NRG1: variants seen among roughly 807,000 people sequenced by gnomAD.
The protein encoded by NRG1 is neuregulin 1, also known as pro-neuregulin-1, membrane-bound isoform.
In NRG1, 18 loss-of-function variants were observed where a neutral mutation model predicts 63.8. The ratio of observed to expected loss-of-function variants is 0.28; its 90% confidence interval spans 0.19 to 0.42. The LOEUF is 0.42. Ranked by LOEUF, NRG1 falls within the 10% of genes least tolerant of loss-of-function variation. The pLI is 1.00. For missense variants in NRG1, 762 were observed against 814.7 expected, an observed-to-expected ratio of 0.94 and a Z score of 0.79; for synonymous variants, 302 against 301.3, an observed-to-expected ratio of 1.00 and a Z score of -0.02.
chr8:32,540,581 C>T (rs1048741328), intron 1 of NRG1, among the ~76,000 whole-genome samples: 1 of 152,132 alleles, frequency 6.6e-6, no homozygotes, highest in African/African-American at 2.4e-5. Context: ...TTTTTTGTGC[C>T]TGGATATAAC....
intron 1 of NRG1, among the ~76,000 whole-genome samples, chr8:32,358,940 G>A (rs1806841398): frequency 6.6e-6 from 1 of 152,068 alleles, no homozygotes; most frequent in African/African-American, 2.4e-5. Context: ...AGAAATCATG[G>A]GGCAGAGGGC....
chr8:32,009,423 G>C (rs948133560), intron 1 of NRG1, among the ~76,000 whole-genome samples: 2 of 152,024 alleles, frequency 1.3e-5, no homozygotes, highest in Admixed American at 6.6e-5. Context: ...TTAGGTGCTA[G>C]GGGCCCAGCA....
chr8:31,731,435 C>CACAG (rs915714938), intron 1 of NRG1, among the ~76,000 whole-genome samples: 1 of 151,792 alleles, frequency 6.6e-6, no homozygotes, highest in Non-Finnish European at 1.5e-5. Flanking sequence ...CACACACACA[C>CACAG]ACACACACAC....
At chr8:31,963,817 T>A (rs1275908970) in intron 1 of NRG1, among the ~76,000 whole-genome samples, 3 of 152,308 alleles carry the variant, frequency 2.0e-5, no homozygotes, top group African/African-American at 7.2e-5. Context: ...CAGGGGTTAC[T>A]GGTTGAGAGA....
At chr8:32,287,135 A>G (rs906567487) in intron 1 of NRG1, 2 of 152,262 alleles carry the variant, frequency 1.3e-5, no homozygotes, top group African/African-American at 4.8e-5. Context: ...GAACTAAGAC[A>G]ACAAGTCTCT....
chr8:32,742,743 C>T lies in NRG1; in HGVS notation c.691+10C>T, dbSNP rs1313134472. The T allele has an allele frequency of 6.2e-7, 1 of 1,613,780 alleles. No homozygotes were observed. Among genetic ancestry groups the T allele is most frequent in the Admixed American group, 1.7e-5 (1 of 60,008 alleles). On this transcript the variant is annotated intron_variant, in intron 7 of 11. Transcript: ENST00000356819. This position sits in a 1 kb window ranked among gnomAD's most constrained non-coding sequence, Gnocchi z 4.2. Reference sequence around the variant, plus strand: ...ATGGCCAGCTTCTACAGTACGTCCACTCCCTTTCTGTCTCTGCCTGAATAG... The same window carrying T: ...ATGGCCAGCTTCTACAGTACGTCCATTCCCTTTCTGTCTCTGCCTGAATAG...
intron 1 of NRG1, among the ~76,000 whole-genome samples, chr8:32,068,259 T>C (rs1318205337): frequency 6.6e-6 from 1 of 152,160 alleles, no homozygotes; most frequent in African/African-American, 2.4e-5. Context: ...TGTAAGAACA[T>C]GAGATATTTT....
intron 1 of NRG1, among the ~76,000 whole-genome samples, chr8:32,562,582 G>A (rs752933829): frequency 6.6e-6 from 1 of 152,106 alleles, no homozygotes; most frequent in Non-Finnish European, 1.5e-5. Context: ...CCTCTGGGTT[G>A]TAACCAGGAA....
chr8:32,179,580 G>A (rs1841208978), intron 1 of NRG1, among the ~76,000 whole-genome samples: 1 of 152,146 alleles, frequency 6.6e-6, no homozygotes, highest in South Asian at 2.1e-4. Context: ...TTCAATTCCT[G>A]CATACTATTT....
At chr8:32,018,065 A>G (rs752573715) in intron 1 of NRG1, among the ~76,000 whole-genome samples, 3 of 152,176 alleles carry the variant, frequency 2.0e-5, no homozygotes, top group Non-Finnish European at 4.4e-5. Flanking sequence ...ATCATTTTGG[A>G]AACCCTAAGA....
intron 1 of NRG1, among the ~76,000 whole-genome samples, chr8:31,973,625 A>AT (rs1234954222): frequency 6.6e-6 from 1 of 152,186 alleles, no homozygotes; most frequent in Non-Finnish European, 1.5e-5. Flanking sequence ...TCTTTTAATC[A>AT]TACTATTCAG....
At chr8:31,998,152 T>C (rs1812324404) in intron 1 of NRG1, among the ~76,000 whole-genome samples, 1 of 151,936 alleles carries the variant, frequency 6.6e-6, no homozygotes, top group African/African-American at 2.4e-5. Context: ...TGGCTCCCCA[T>C]TGGGTAACAC....
At chr8:32,216,218 G>T (rs768751659) in intron 1 of NRG1, among the ~76,000 whole-genome samples, 6 of 149,684 alleles carry the variant, frequency 4.0e-5, no homozygotes, top group Non-Finnish European at 8.9e-5. Context: ...ATATATAATT[G>T]GTTCTGTTTT....
chr8:31,916,050 T>C (rs933030862), intron 1 of NRG1, among the ~76,000 whole-genome samples: 8 of 152,116 alleles, frequency 5.3e-5, no homozygotes, highest in Admixed American at 3.9e-4. Flanking sequence ...AAGACGTTAA[T>C]TGATGATACA....
chr8:32,647,339 G>T, intron 5 of NRG1: 1 of 985,360 alleles, frequency 1.0e-6, no homozygotes, highest in Non-Finnish European at 1.2e-6. Context: ...ACCAGCTTCA[G>T]ATGCTCGAGG....
intron 1 of NRG1, among the ~76,000 whole-genome samples, chr8:32,103,794 G>C (rs1006621587): frequency 3.3e-5 from 5 of 152,094 alleles, no homozygotes; most frequent in Non-Finnish European, 7.4e-5. Context: ...ATGCACCGAG[G>C]CTGCTGCAGA....
At chr8:32,179,736 A>G (rs1841226317) in intron 1 of NRG1, among the ~76,000 whole-genome samples, 1 of 152,224 alleles carries the variant, frequency 6.6e-6, no homozygotes. Context: ...CTGAGCAATG[A>G]CATTGACAGT....
At chr8:32,266,203 G>C (rs1323643233) in intron 1 of NRG1, among the ~76,000 whole-genome samples, 2 of 152,170 alleles carry the variant, frequency 1.3e-5, no homozygotes, top group Admixed American at 1.3e-4. Flanking sequence ...TGTAGGAGTA[G>C]AAAATGATCC....
chr8:31,648,877 A>G (rs1804564982), intron 1 of NRG1, among the ~76,000 whole-genome samples: 1 of 152,220 alleles, frequency 6.6e-6, no homozygotes, highest in Non-Finnish European at 1.5e-5. Context: ...ATGTCTTCTC[A>G]AATCCCTGCT....
Sources: gnomAD v4.1 joint callset for allele counts (sites outside exome capture counted in the v4.1 genomes callset) on GRCh38, gnomAD v4.1.1 for gene constraint, Gnocchi (gnomAD v3.1) non-coding constraint, MANE v1.5 for transcripts, NCBI Gene and HGNC (gene_info 2026-07-23, HGNC 2026-07-21) for gene names.